Variants in SETD3 observed in about 807,000 individuals in gnomAD.
SETD3 encodes the protein actin-histidine N-methyltransferase.
Under a neutral mutation model 63.0 loss-of-function variants are expected in SETD3, and 19 were observed. The observed-to-expected ratio is 0.30, with a 90% confidence interval of 0.21 to 0.44. The LOEUF (loss-of-function observed/expected upper bound fraction) is 0.44. Ranked by LOEUF, SETD3 falls within the 20% of genes least tolerant of loss-of-function variation. The pLI is 1.00. For missense variants in SETD3, 587 were observed against 728.5 expected (o/e 0.81, Z 2.24); for synonymous variants, 286 against 264.1 (o/e 1.08, Z -0.80).
At position 99,480,802 on chromosome 14, in the gene SETD3, AGGCGGTGGC is replaced by A. The variant is rs916723321; in HGVS notation, c.-92_-84del. On this transcript the variant is annotated 5_prime_UTR_variant, in exon 1 of 13. Coordinates refer to ENST00000331768, the MANE Select transcript of SETD3 (RefSeq NM_032233.3). ...CCGCCGTCCGCCTCAACCAACCCCC[AGGCGGTGGC>A]GGCGGTGGCGGCGGCGGCGGCCGGA... 2.3e-4 allele frequency: 38 copies of A among 161,930 alleles called. 2 individuals carry two copies. In the Middle Eastern group the frequency reaches 0.012, roughly 52 times the overall value. The allele number at this position is 161,930 out of a possible 1,614,324, so 10.0% of individuals were successfully genotyped here.
chr14:99,406,102 G>C (rs1216399648), intron 9 of SETD3, among the ~76,000 whole-genome samples: 1 of 152,050 alleles, frequency 6.6e-6, no homozygotes, highest in Non-Finnish European at 1.5e-5. Context: ...GAAAGTATAA[G>C]ACAACAGATT....
Position 99,465,696 on chromosome 14 carries a change from G to GACTT in SETD3, c.103+3_103+6dup. ...TCAAGGCAGGGAGAGCCCAGAGGAGGACTTACTCTGCAGCAGCTCACTGGT... is the reference window on the plus strand; with the variant it reads ...TCAAGGCAGGGAGAGCCCAGAGGAGGACTTACTTACTCTGCAGCAGCTCACTGGT... On this transcript the variant is annotated splice_region_variant and intron_variant, in intron 2 of 12. Transcript: ENST00000331768. 6.2e-7 allele frequency: 1 copy of GACTT among 1,610,968 alleles called. No individual in the cohort carries two copies. The highest frequency in any genetic ancestry group is 8.5e-7 in the Non-Finnish European group (1 of 1,177,378).
At chr14:99,469,199 A>G (rs929210619) in intron 1 of SETD3, among the ~76,000 whole-genome samples, 3 of 152,236 alleles carry the variant, frequency 2.0e-5, no homozygotes, top group African/African-American at 7.2e-5. Flanking sequence ...AATGAGTAAC[A>G]AACAGGTGTA....
intron 1 of SETD3, among the ~76,000 whole-genome samples, chr14:99,466,739 A>T (rs887082362): frequency 6.6e-6 from 1 of 152,116 alleles, no homozygotes; most frequent in Non-Finnish European, 1.5e-5. Flanking sequence ...CAGCCACTCA[A>T]GACAGGGTGA....
At chr14:99,453,192 G>GA (rs1026610900) in intron 6 of SETD3, among the ~76,000 whole-genome samples, 2 of 152,192 alleles carry the variant, frequency 1.3e-5, no homozygotes, top group African/African-American at 4.8e-5. Context: ...TCTGATCCTG[G>GA]AAAAGCATGG....
At chr14:99,410,349 A>C (rs1186330158) in intron 8 of SETD3, 3 of 1,246,660 alleles carry the variant, frequency 2.4e-6, no homozygotes, top group Non-Finnish European at 3.3e-6. Context: ...TCTAAATATA[A>C]ATGTTTTAGA....
intron 11 of SETD3, among the ~76,000 whole-genome samples, chr14:99,402,360 C>T (rs1442580620): frequency 2.6e-5 from 4 of 152,214 alleles, no homozygotes; most frequent in Non-Finnish European, 5.9e-5. Flanking sequence ...TCAGGGTCAT[C>T]ACTTGCTTAC....
chr14:99,431,493 ATTT>A (rs879463814), intron 6 of SETD3, among the ~76,000 whole-genome samples: 1 of 147,148 alleles, frequency 6.8e-6, no homozygotes, highest in Non-Finnish European at 1.5e-5. Context: ...ATTAGTAGGA[ATTT>A]TTTTTTTTTT....
chr14:99,399,127 T>C lies in SETD3; in HGVS notation c.1339-2A>G. On this transcript the variant is annotated splice_acceptor_variant, in intron 12 of 12. Transcript: ENST00000331768. LOFTEE classifies it high-confidence loss of function. Reference sequence around the variant, plus strand: ...GTTTTTCAAGACGGATTTATCTTCCTGGAAAACAAGAGCAAAATTAATTAC... The same window carrying C: ...GTTTTTCAAGACGGATTTATCTTCCCGGAAAACAAGAGCAAAATTAATTAC... 1 of 1,611,626 alleles carries C rather than the reference T, an allele frequency of 6.2e-7. No homozygotes were observed. The highest frequency in any genetic ancestry group is 2.2e-5 in the East Asian group (1 of 44,858).
At chr14:99,410,320 T>C (rs1157162842) in intron 8 of SETD3, 1 of 1,529,086 alleles carries the variant, frequency 6.5e-7, no homozygotes, top group Non-Finnish European at 9.0e-7. Context: ...AAAATGGGCT[T>C]TTGAGACTGT....
intron 6 of SETD3, among the ~76,000 whole-genome samples, chr14:99,454,756 G>T (rs1362232665): frequency 9.2e-5 from 2 of 21,784 alleles, no homozygotes; most frequent in Admixed American, 1.1e-3. Context: ...GCCCAAAATG[G>T]CACAGTTCTA....
At chr14:99,420,748 A>G (rs1892541617) in intron 6 of SETD3, among the ~76,000 whole-genome samples, 1 of 152,068 alleles carries the variant, frequency 6.6e-6, no homozygotes, top group South Asian at 2.1e-4. Context: ...CTAAGAATCC[A>G]AAGAGAAACA....
intron 6 of SETD3, among the ~76,000 whole-genome samples, chr14:99,425,392 G>A (rs528035023): frequency 1.9e-4 from 29 of 152,326 alleles, no homozygotes; most frequent in South Asian, 8.3e-4. Context: ...GGGAGCTGCC[G>A]TGTGGCCCAG....
At chr14:99,440,303 C>T (rs910599744) in intron 6 of SETD3, among the ~76,000 whole-genome samples, 5 of 152,062 alleles carry the variant, frequency 3.3e-5, no homozygotes, top group Non-Finnish European at 4.4e-5. Flanking sequence ...GACAAAAGTA[C>T]GCAAACCATT....
chr14:99,469,010 C>T (rs1435381178), intron 1 of SETD3, among the ~76,000 whole-genome samples: 3 of 152,192 alleles, frequency 2.0e-5, no homozygotes, highest in Non-Finnish European at 4.4e-5. Flanking sequence ...AGGTTTCCAT[C>T]CCCTTGGAAC....
intron 8 of SETD3, chr14:99,410,278 A>C: frequency 1.9e-6 from 3 of 1,611,410 alleles, no homozygotes; most frequent in Non-Finnish European, 2.5e-6. Flanking sequence ...GTGGGGGGAC[A>C]GGTTGTTCGG....
intron 6 of SETD3, among the ~76,000 whole-genome samples, chr14:99,419,459 T>C (rs887844015): frequency 6.6e-6 from 1 of 152,202 alleles, no homozygotes; most frequent in Non-Finnish European, 1.5e-5. Context: ...TGTTGAAACA[T>C]GGCAAAAGAT....
chr14:99,424,517 G>C (rs577006497), intron 6 of SETD3, among the ~76,000 whole-genome samples: 2 of 152,202 alleles, frequency 1.3e-5, no homozygotes. Context: ...AAGACAGACA[G>C]GACATCATCT....
rs1595135197 is a variant in SETD3 at position 99,399,643 on chromosome 14, T to G, written c.1338+456A>C. On this transcript the variant is annotated intron_variant, in intron 12 of 12. Transcript: ENST00000331768. ...AATGTATCTTCTAATAAACAATGCC[T>G]AAATATGATTTTTTGGGAAATGAAT... Among the ~76,000 whole-genome samples the G allele has an allele frequency of 2.0e-5, 3 of 152,238 alleles. No individual in the cohort carries two copies. In the South Asian group the frequency reaches 6.2e-4, roughly 32 times the overall value.
Sources: gnomAD v4.1 joint callset for allele counts (sites outside exome capture counted in the v4.1 genomes callset) on GRCh38, gnomAD v4.1.1 for gene constraint, MANE v1.5 for transcripts, NCBI Gene and HGNC (gene_info 2026-07-23, HGNC 2026-07-21) for gene names.